LNX2: variants seen among roughly 807,000 people sequenced by gnomAD.
LNX2 encodes ligand of Numb protein X 2.
Under a neutral mutation model 66.2 loss-of-function variants are expected in LNX2, and 35 were observed. The observed-to-expected ratio is 0.53, with a 90% confidence interval of 0.40 to 0.70. LNX2 has a LOEUF of 0.70. LNX2 is among the 30% of genes least tolerant of loss of function. LNX2 has a pLI of 0.00. For synonymous variants in LNX2, 337 were observed against 315.6 expected (o/e 1.07, Z -0.72); for missense variants, 791 against 850.8 (o/e 0.93, Z 0.87).
At chr13:27,558,031 C>T (rs565426532) in intron 6 of LNX2, among the ~76,000 whole-genome samples, 1 of 152,068 alleles carries the variant, frequency 6.6e-6, no homozygotes, top group Admixed American at 6.5e-5. Flanking sequence ...AGGAACCCAA[C>T]CAAACTTCAA....
At chr13:27,614,506 A>G (rs1422181223) in intron 1 of LNX2, among the ~76,000 whole-genome samples, 1 of 147,902 alleles carries the variant, frequency 6.8e-6, no homozygotes, top group East Asian at 2.0e-4. Context: ...CCCCCAGACT[A>G]CCTTTGAAAA....
At chr13:27,612,916 T>C (rs1399503793) in intron 1 of LNX2, among the ~76,000 whole-genome samples, 16 of 152,186 alleles carry the variant, frequency 1.1e-4, no homozygotes, top group Admixed American at 9.8e-4. Context: ...ATGCAGAATA[T>C]TATCTTGAAT....
chr13:27,567,068 G>A (rs574351721), intron 4 of LNX2, among the ~76,000 whole-genome samples: 1 of 152,162 alleles, frequency 6.6e-6, no homozygotes, highest in African/African-American at 2.4e-5. Flanking sequence ...GGGAGCGAAG[G>A]GGATTATTGA....
intron 1 of LNX2, among the ~76,000 whole-genome samples, chr13:27,610,555 G>A (rs1955761525): frequency 6.6e-6 from 1 of 152,066 alleles, no homozygotes; most frequent in Non-Finnish European, 1.5e-5. Context: ...ACTCCTAGAA[G>A]AAAACATATT....
intron 1 of LNX2, among the ~76,000 whole-genome samples, chr13:27,607,705 T>C (rs1448612199): frequency 2.0e-5 from 3 of 152,232 alleles, no homozygotes; most frequent in East Asian, 1.9e-4. Context: ...ATTTTCTATA[T>C]GCCTTGTTTT....
At chr13:27,551,522 TAATA>T (rs948598038) in intron 8 of LNX2, among the ~76,000 whole-genome samples, 33 of 151,988 alleles carry the variant, frequency 2.2e-4, no homozygotes, top group Admixed American at 1.6e-3. Flanking sequence ...AAACTCTTCA[TAATA>T]AATAAATATC....
chr13:27,550,361 T>C lies in LNX2; in HGVS notation c.1909A>G (p.Thr637Ala), dbSNP rs1163326967. The C allele has an allele frequency of 6.2e-7, 1 of 1,613,142 alleles. No homozygotes were observed. Among genetic ancestry groups the C allele is most frequent in the South Asian group, 1.1e-5 (1 of 90,984 alleles). The change falls in exon 9 of 10, where the codon ACT (threonine) becomes GCT (alanine). Residue 637 changes from threonine to alanine, a missense_variant. Coordinates refer to ENST00000316334, the MANE Select transcript of LNX2 (RefSeq NM_153371.4). ...AATCTTCCATCATAATAAGCAGGAG[T>C]TCCCAAGACAATAGTTTTAATGAAA... ...PFFIKTIVLGTPAYYDGRLKC... is the reference protein window; with the variant it reads ...PFFIKTIVLGAPAYYDGRLKC...
intron 1 of LNX2, among the ~76,000 whole-genome samples, chr13:27,619,834 G>A (rs762766317): frequency 2.6e-5 from 4 of 152,206 alleles, no homozygotes; most frequent in African/African-American, 4.8e-5. Flanking sequence ...CCCCCTGGAA[G>A]ATGTCAAATC....
At position 27,569,048 on chromosome 13, in the gene LNX2, C is replaced by T; in HGVS notation, c.636G>A (p.Glu212=). The change falls in exon 3 of 10, where the codon GAG becomes GAA. Residue 212 remains glutamate (E), a synonymous_variant. Transcript: ENST00000316334. ...ACATACTGTCAGCTCCAGCGCTCTC[C>T]TCAAAGGCAGGGTTGTCAAGGCCAG... ...EEPGLDNPAF[E]ESAGADTTQQ... The T allele has an allele frequency of 6.2e-7, 1 of 1,613,570 alleles. No individual in the cohort carries two copies.
At position 27,550,589 on chromosome 13, in the gene LNX2, T is replaced by C. The variant is rs117041865; in HGVS notation, c.1779-98A>G. ...CCATACCATGTTATATTTACCACTC[T>C]TGGAAAAAAGAAAAAGGGCTATTAA... is the stretch of plus-strand genomic sequence containing the variant. On this transcript the variant is annotated intron_variant, in intron 8 of 9. Transcript: ENST00000316334. 236 of 871,642 alleles carry C rather than the reference T, an allele frequency of 2.7e-4. 2 individuals carry two copies. In the East Asian group the frequency reaches 4.0e-3, roughly 15 times the overall value. 54.0% of individuals were successfully genotyped at this position (871,642 alleles called of 1,614,324 possible).
chr13:27,601,547 T>G (rs183460334), intron 1 of LNX2, among the ~76,000 whole-genome samples: 1 of 152,312 alleles, frequency 6.6e-6, no homozygotes, highest in Admixed American at 6.5e-5. Flanking sequence ...AACAGTATAG[T>G]TAAGTTCTCA....
At chr13:27,620,600 A>C (rs1955893006), upstream of LNX2, 1 of 155,722 alleles carries the variant, frequency 6.4e-6, no homozygotes, top group Non-Finnish European at 1.4e-5. Flanking sequence ...GGCAGCGCCA[A>C]GGCCGAGCGG....
Position 27,547,623 on chromosome 13 carries a change from G to A in LNX2, c.*712C>T, listed in dbSNP as rs1268070037. The A allele has an allele frequency of 6.6e-6, 1 of 152,282 alleles. No homozygotes were observed. Among genetic ancestry groups the A allele is most frequent in the Non-Finnish European group, 1.5e-5 (1 of 68,086 alleles). The allele number at this position is 152,282 out of a possible 1,614,324, so 9.4% of individuals were successfully genotyped here. A position where few individuals can be genotyped will look rare whatever the true frequency, so the allele number is the denominator to read the frequency against. On this transcript the variant is annotated 3_prime_UTR_variant, in exon 10 of 10. Transcript: ENST00000316334. ...TGTAATCCCAGCACTTTGGGAGGCT[G>A]AGGCGGGCAGATCACAAGGTCAGGA...
At position 27,547,024 on chromosome 13, in the gene LNX2, A is replaced by C. The variant is rs1478713355; in HGVS notation, c.*1311T>G. 2.0e-5 allele frequency: 3 copies of C among 152,210 alleles called. No individual in the cohort carries two copies. Among genetic ancestry groups the C allele is most frequent in the Admixed American group, 2.0e-4 (3 of 15,284 alleles). 9.4% of individuals were successfully genotyped at this position (152,210 alleles called of 1,614,324 possible). On this transcript the variant is annotated 3_prime_UTR_variant, in exon 10 of 10. Transcript: ENST00000316334. Reference sequence around the variant, plus strand: ...TTTCTGTCTCCTACTTGAAACAACTAATCTCATAAGAAATAATGGGAAAAA... The same window carrying C: ...TTTCTGTCTCCTACTTGAAACAACTCATCTCATAAGAAATAATGGGAAAAA...
In LNX2 at chr13:27,562,658, G is replaced by A; in HGVS notation, c.979C>T (p.His327Tyr). Residue 327 changes from histidine (H) to tyrosine (Y), a missense_variant, in exon 5 of 10, where the codon CAT becomes TAT. By Grantham distance (83) the His-to-Tyr change is moderately conservative. Coordinates refer to ENST00000316334, the MANE Select transcript of LNX2 (RefSeq NM_153371.4). ...TCTCGTGGAGAGTTACTATCAGAAT[G>A]GTTGTGTGCTCGGTTGCCAAAGCGC... ...ERRFGNRAHNHSDSNSPREEI... is the reference protein window; with the variant it reads ...ERRFGNRAHNYSDSNSPREEI... The A allele has an allele frequency of 1.9e-6, 3 of 1,614,172 alleles. No homozygotes were observed. Among genetic ancestry groups the A allele is most frequent in the Non-Finnish European group, 2.5e-6 (3 of 1,180,032 alleles).
chr13:27,553,543 T>C (rs901036886), intron 7 of LNX2, 104 bp from the exon 8 acceptor site: 3 of 738,480 alleles, frequency 4.1e-6, no homozygotes, highest in African/African-American at 3.5e-5. Flanking sequence ...CCCCCAACTC[T>C]GATGAGATAA....
chr13:27,575,243 G>A (rs1955329899), intron 2 of LNX2, among the ~76,000 whole-genome samples: 1 of 152,182 alleles, frequency 6.6e-6, no homozygotes, highest in African/African-American at 2.4e-5. Flanking sequence ...AATGTGTGAA[G>A]ATACAACTTG....
intron 2 of LNX2, among the ~76,000 whole-genome samples, chr13:27,574,637 A>G (rs1046009710): frequency 6.6e-6 from 1 of 152,222 alleles, no homozygotes; most frequent in African/African-American, 2.4e-5. Flanking sequence ...AGGAGTAGAA[A>G]GAATATTTGA....
At chr13:27,600,588 A>T (rs1566131078) in intron 1 of LNX2, among the ~76,000 whole-genome samples, 1 of 152,186 alleles carries the variant, frequency 6.6e-6, no homozygotes. Flanking sequence ...AAATGATGGA[A>T]AACCTGACTG....
Sources: allele counts gnomAD v4.1 joint callset (sites outside exome capture counted in the v4.1 genomes callset), GRCh38; gene constraint gnomAD v4.1.1; transcripts MANE v1.5; gene names NCBI Gene and HGNC (gene_info 2026-07-23, HGNC 2026-07-21).